The following SPIDR variants were observed in gnomAD, a reference collection of about 807,000 sequenced individuals.
SPIDR encodes the protein DNA repair-scaffolding protein.
Under a neutral mutation model 104.6 loss-of-function variants are expected in SPIDR, and 93 were observed. The observed-to-expected ratio is 0.89, with a 90% CI of 0.75 to 1.06. The LOEUF is 1.06. SPIDR is among the 50% of genes least tolerant of loss of function. SPIDR has a pLI of 0.00. For missense variants in SPIDR, 1,154 were observed against 1,111.2 expected (o/e 1.04, Z -0.55); for synonymous variants, 431 against 416.9 (o/e 1.03, Z -0.41).
chr8:47,300,144 A>G (rs1563527656), intron 5 of SPIDR, among the ~76,000 whole-genome samples: 1 of 152,196 alleles, frequency 6.6e-6, no homozygotes, highest in South Asian at 2.1e-4. Context: ...TTATTGGTCC[A>G]TTCAGAGATT....
chr8:47,693,598 T>G (rs2078963397), intron 11 of SPIDR, among the ~76,000 whole-genome samples: 1 of 152,144 alleles, frequency 6.6e-6, no homozygotes, highest in Non-Finnish European at 1.5e-5. Context: ...ATCTAGGCAC[T>G]GGGATTCCAC....
At chr8:47,470,504 G>T (rs546531161) in intron 8 of SPIDR, among the ~76,000 whole-genome samples, 11 of 151,668 alleles carry the variant, frequency 7.3e-5, no homozygotes, top group Admixed American at 3.3e-4. Flanking sequence ...GCCCAGGCTC[G>T]AACTCCTAAC....
intron 16 of SPIDR, among the ~76,000 whole-genome samples, chr8:47,715,916 G>A (rs551368909): frequency 1.3e-5 from 2 of 150,578 alleles, no homozygotes; most frequent in East Asian, 3.9e-4. Context: ...AAGAACACCA[G>A]TGTTTTCCAA....
chr8:47,572,190 C>G (rs914127222), intron 8 of SPIDR, among the ~76,000 whole-genome samples: 3 of 152,056 alleles, frequency 2.0e-5, no homozygotes, highest in Non-Finnish European at 4.4e-5. Context: ...AATGTCATAT[C>G]AATAATCTGT....
Position 47,298,744 on chromosome 8 carries a change from G to A in SPIDR, c.525+4714G>A, listed in dbSNP as rs1438561594. Among the ~76,000 whole-genome samples, 258 of 152,290 alleles carry A rather than the reference G, an allele frequency of 1.7e-3. 2 individuals carry two copies. The highest frequency in any genetic ancestry group is 4.9e-3 in the African/African-American group (203 of 41,556). ...CCCATTTCTTGTTTTTGTCAGGTTT[G>A]TCAAAGATCAGATAGTTGTAGATAT... is the stretch of plus-strand genomic sequence containing the variant. On this transcript the variant is annotated intron_variant, in intron 5 of 19. Transcript: ENST00000297423.
intron 14 of SPIDR, 111 bp from the exon 15 acceptor site, chr8:47,712,551 T>A: frequency 2.4e-6 from 3 of 1,230,590 alleles, no homozygotes; most frequent in Non-Finnish European, 3.4e-6. Flanking sequence ...TTTTAAAGTG[T>A]TTTTGAAATA....
At position 47,735,723 on chromosome 8, in the gene SPIDR, G is replaced by C; in HGVS notation, c.*273G>C. 1.3e-6 allele frequency: 1 copy of C among 741,942 alleles called. No homozygotes were observed. The highest frequency in any genetic ancestry group is 2.1e-6 in the Non-Finnish European group (1 of 483,886). 46.0% of individuals were successfully genotyped at this position (741,942 alleles called of 1,614,324 possible). A position where few individuals can be genotyped will look rare whatever the true frequency, so the allele number is the denominator to read the frequency against. On this transcript the variant is annotated 3_prime_UTR_variant, in exon 20 of 20. Transcript: ENST00000297423. ...AATCTTAAGTTTAAGCTCTTCATTT[G>C]GTATTTAGGCAATATATGAGAAAAA...
intron 8 of SPIDR, among the ~76,000 whole-genome samples, chr8:47,571,150 G>A (rs181026776): frequency 9.1e-4 from 139 of 152,274 alleles, no homozygotes; most frequent in African/African-American, 3.2e-3. Context: ...GGGCTTGAGG[G>A]TGGGAGAAAT....
At chr8:47,697,483 A>G (rs1258477570) in intron 11 of SPIDR, among the ~76,000 whole-genome samples, 2 of 152,192 alleles carry the variant, frequency 1.3e-5, no homozygotes, top group African/African-American at 4.8e-5. Flanking sequence ...TTACTATAAT[A>G]AAAACATAGC....
rs2090212614 is a variant in SPIDR at position 47,550,229 on chromosome 8, G to A, written c.1098-45582G>A. ...CCTCCAGCTTTGGTGATTTTGCTTA[G>A]GATTGTCTTTGCTATGCAGGCTCCT... On this transcript the variant is annotated intron_variant, in intron 8 of 19. Transcript: ENST00000297423. 6.6e-5 allele frequency among the ~76,000 whole-genome samples: 10 copies of A among 152,258 alleles called. 1 individual carries two copies. The South Asian group carries it at 2.1e-3, about 32-fold the overall frequency.
chr8:47,321,033 C>G (rs1358144779), intron 5 of SPIDR, among the ~76,000 whole-genome samples: 4 of 152,120 alleles, frequency 2.6e-5, no homozygotes, highest in Non-Finnish European at 4.4e-5. Flanking sequence ...AAAACTGGCA[C>G]AAGACAGGGA....
intron 5 of SPIDR, among the ~76,000 whole-genome samples, chr8:47,303,168 C>T (rs984085160): frequency 2.4e-4 from 37 of 152,220 alleles, no homozygotes; most frequent in Admixed American, 2.6e-4. Flanking sequence ...CGCAGCCTGG[C>T]TGCTGCCTTG....
intron 6 of SPIDR, among the ~76,000 whole-genome samples, chr8:47,401,561 C>G (rs1554662869): frequency 6.6e-6 from 1 of 152,106 alleles, no homozygotes; most frequent in Non-Finnish European, 1.5e-5. Context: ...AGTCCAGACC[C>G]ATCAGTGTGC....
chr8:47,472,606 A>C (rs1423070953), intron 8 of SPIDR, among the ~76,000 whole-genome samples: 7 of 152,156 alleles, frequency 4.6e-5, no homozygotes, highest in Non-Finnish European at 8.8e-5. Flanking sequence ...TTGTTTCTGA[A>C]AGAATGTGAG....
chr8:47,293,102 T>G (rs2040226392), intron 4 of SPIDR, among the ~76,000 whole-genome samples: 1 of 152,114 alleles, frequency 6.6e-6, no homozygotes, highest in East Asian at 1.9e-4. Context: ...TCAGTGGTGG[T>G]CTGACCTTCG....
intron 8 of SPIDR, among the ~76,000 whole-genome samples, chr8:47,486,964 A>G (rs1407872534): frequency 4.6e-5 from 7 of 152,234 alleles, no homozygotes; most frequent in Non-Finnish European, 8.8e-5. Context: ...ATAACCAGCT[A>G]ACATCATAAT....
At chr8:47,648,845 T>G (rs1460645170) in intron 10 of SPIDR, among the ~76,000 whole-genome samples, 1 of 152,080 alleles carries the variant, frequency 6.6e-6, no homozygotes, top group Non-Finnish European at 1.5e-5. Context: ...TTATAAACCA[T>G]TCAGTAAGAC....
chr8:47,389,662 C>G (rs1319753928), intron 5 of SPIDR, among the ~76,000 whole-genome samples: 1 of 130,430 alleles, frequency 7.7e-6, no homozygotes, highest in Non-Finnish European at 1.5e-5. Context: ...GCATTCCAGC[C>G]TGGGCGACAG....
chr8:47,377,352 A>G lies in SPIDR; in HGVS notation c.526-19024A>G, dbSNP rs556157698. Among the ~76,000 whole-genome samples, 10 of 152,266 alleles carry G rather than the reference A, an allele frequency of 6.6e-5. No homozygotes were observed. In the South Asian group the frequency reaches 1.4e-3, roughly 22 times the overall value. On this transcript the variant is annotated intron_variant, in intron 5 of 19. Coordinates refer to ENST00000297423, the MANE Select transcript of SPIDR (RefSeq NM_001080394.4). ...TCTCCAAGTTCAGTGCTTTGCTAGA[A>G]GGAGTCCTAGGACTTAGAAGTAGGT...
Sources: allele counts gnomAD v4.1 joint callset (sites outside exome capture counted in the v4.1 genomes callset), GRCh38; gene constraint gnomAD v4.1.1; transcripts MANE v1.5; gene names NCBI Gene and HGNC (gene_info 2026-07-23, HGNC 2026-07-21).